The following ZNF577 variants were observed in gnomAD, a reference collection of about 807,000 sequenced individuals.
ZNF577 encodes the protein zinc finger protein 577.
Under a neutral mutation model 13.9 loss-of-function variants are expected in ZNF577, and 14 were observed. The ratio of observed to expected loss-of-function variants is 1.00; its 90% CI spans 0.66 to 1.57. The LOEUF is 1.57. Among genes scored for constraint, ZNF577 ranks in the 40% most tolerant of loss-of-function variants. The pLI is 0.00. For synonymous variants in ZNF577, 203 were observed against 202.9 expected (o/e 1.00, Z 0.00); for missense variants, 555 against 579.2 (o/e 0.96, Z 0.43).
At chr19:51,840,660 A>G (rs1380082771) in intron 8 of ZNF577, 1 of 152,212 alleles carries the variant, frequency 6.6e-6, no homozygotes, top group Admixed American at 6.5e-5. Flanking sequence ...GTCATGTGAA[A>G]TAGATGTAAA....
chr19:51,839,978 T>G (rs1446666500), exon 9 of ZNF577: 3 of 152,228 alleles, frequency 2.0e-5, no homozygotes, highest in African/African-American at 7.2e-5. Flanking sequence ...CACGCTCTTG[T>G]GCAGACTCAG....
chr19:51,879,012 C>G (rs1007872561), intron 3 of ZNF577, among the ~76,000 whole-genome samples: 1 of 151,938 alleles, frequency 6.6e-6, no homozygotes, highest in Non-Finnish European at 1.5e-5. Flanking sequence ...AATCTCAGTA[C>G]TTTGGGAGGC....
intron 9 of ZNF577, among the ~76,000 whole-genome samples, chr19:51,815,265 C>G (rs1260605001): frequency 6.6e-6 from 1 of 151,854 alleles, no homozygotes; most frequent in Non-Finnish European, 1.5e-5. Flanking sequence ...AGATTGAGCT[C>G]TATAAAAAAA....
intron 9 of ZNF577, among the ~76,000 whole-genome samples, chr19:51,831,096 T>C (rs755489124): frequency 9.2e-5 from 14 of 152,124 alleles, no homozygotes; most frequent in Non-Finnish European, 1.6e-4. Flanking sequence ...CAAATATAAG[T>C]AATTATTGAT....
chr19:51,875,883 A>T (rs745783934), intron 5 of ZNF577, among the ~76,000 whole-genome samples: 5 of 152,260 alleles, frequency 3.3e-5, no homozygotes, highest in Non-Finnish European at 5.9e-5. Context: ...CTTCAAGAGT[A>T]GAGTGTTCAA....
intron 1 of ZNF577, among the ~76,000 whole-genome samples, chr19:51,882,344 G>C (rs59911578): frequency 0.11 from 16,850 of 151,948 alleles, 1,001 homozygotes; most frequent in East Asian, 0.22. Context: ...ATACCACCCT[G>C]ACTGGTAAGG....
rs1026962033 is a variant in ZNF577 at position 51,867,830 on chromosome 19, G to C, written c.*4702C>G. 3.9e-5 allele frequency among the ~76,000 whole-genome samples: 6 copies of C among 151,992 alleles called. No individual in the cohort carries two copies. Among genetic ancestry groups the C allele is most frequent in the African/African-American group, 1.5e-4 (6 of 41,376 alleles). On this transcript the variant is annotated 3_prime_UTR_variant, in exon 6 of 6. Coordinates refer to ENST00000638348, the MANE Select transcript of ZNF577 (RefSeq NM_001370449.1). ...CAAGCAAACAAACAAAAAGAACAAAGCTAGGGTTGGAAAAAGCCCTCAGAG... is the reference window on the plus strand; with the variant it reads ...CAAGCAAACAAACAAAAAGAACAAACCTAGGGTTGGAAAAAGCCCTCAGAG...
At chr19:51,831,196 A>T (rs1364872150) in intron 9 of ZNF577, among the ~76,000 whole-genome samples, 1 of 152,026 alleles carries the variant, frequency 6.6e-6, no homozygotes, top group African/African-American at 2.4e-5. Flanking sequence ...ACTCACCGCA[A>T]CCTCTGCCTC....
chr19:51,854,890 C>T (rs1455773388), intron 5 of ZNF577, among the ~76,000 whole-genome samples: 2 of 152,080 alleles, frequency 1.3e-5, no homozygotes, highest in Non-Finnish European at 2.9e-5. Context: ...ATTGACCTAG[C>T]TTCATATTTG....
In ZNF577 at chr19:51,854,966, G is replaced by A. The variant is rs532134351; in HGVS notation, c.284-10035C>T. ...CTGTTCTCTTTGTTGCTACTTCATA[G>A]TTCTTTATACATGGTTTACTTCAGT... On this transcript the variant is annotated intron_variant and NMD_transcript_variant, in intron 5 of 10. Coordinates refer to the ZNF577 transcript ENST00000638827. Among the ~76,000 whole-genome samples the A allele has an allele frequency of 5.9e-5, 9 of 152,162 alleles. No individual in the cohort carries two copies. The South Asian group carries it at 1.9e-3, about 32-fold the overall frequency.
At chr19:51,816,318 G>A (rs2084136731) in intron 9 of ZNF577, among the ~76,000 whole-genome samples, 1 of 152,138 alleles carries the variant, frequency 6.6e-6, no homozygotes, top group Non-Finnish European at 1.5e-5. Flanking sequence ...CATGATCTCG[G>A]CTGACTACAA....
At chr19:51,874,486 A>AT (rs2084723388) in intron 5 of ZNF577, among the ~76,000 whole-genome samples, 1 of 138,482 alleles carries the variant, frequency 7.2e-6, no homozygotes, top group Non-Finnish European at 1.5e-5. Flanking sequence ...CTTAGGTGTG[A>AT]TAAAAAAAAA....
At chr19:51,810,958 C>G (rs746817889) in intron 10 of ZNF577, among the ~76,000 whole-genome samples, 2 of 152,160 alleles carry the variant, frequency 1.3e-5, no homozygotes, top group Non-Finnish European at 2.9e-5. Context: ...TCTAGTTCTG[C>G]TACCAAAGGA....
rs955358113 is a variant in ZNF577 at position 51,819,478 on chromosome 19, C to T, written c.*600-7804G>A. ...AACCAAGAGTGGATTGTGTGTACAT[C>T]TTATCATCTTATGATATGGAAAAAA... On this transcript the variant is annotated intron_variant and NMD_transcript_variant, in intron 9 of 10. Coordinates refer to the ZNF577 transcript ENST00000638827. 2.0e-5 allele frequency among the ~76,000 whole-genome samples: 3 copies of T among 147,578 alleles called. No individual in the cohort carries two copies. In the East Asian group the frequency reaches 6.0e-4, roughly 30 times the overall value.
chr19:51,812,889 G>A (rs1037731024), intron 9 of ZNF577, among the ~76,000 whole-genome samples: 15 of 152,120 alleles, frequency 9.9e-5, no homozygotes, highest in African/African-American at 3.6e-4. Flanking sequence ...GAGAGTCTGA[G>A]GTGGGTGAAT....
chr19:51,831,536 G>A (rs573952986), intron 9 of ZNF577, among the ~76,000 whole-genome samples: 7 of 152,128 alleles, frequency 4.6e-5, no homozygotes, highest in East Asian at 1.9e-4. Flanking sequence ...ATCATCATCC[G>A]GACCACTACA....
intron 9 of ZNF577, among the ~76,000 whole-genome samples, chr19:51,830,116 A>G (rs2084254463): frequency 7.2e-6 from 1 of 139,708 alleles, no homozygotes; most frequent in Non-Finnish European, 1.5e-5. Flanking sequence ...TGACTGACAT[A>G]GCATATGCTT....
Position 51,872,335 on chromosome 19 carries a change from C to T in ZNF577, c.*197G>A. The T allele has an allele frequency of 2.0e-6, 1 of 499,198 alleles. No homozygotes were observed. The highest frequency in any genetic ancestry group is 3.5e-6 in the Non-Finnish European group (1 of 284,482). 30.9% of individuals were successfully genotyped at this position (499,198 alleles called of 1,614,324 possible). On this transcript the variant is annotated 3_prime_UTR_variant, in exon 6 of 6. Transcript: ENST00000638348. ...TTTGATACCAATTGAGATATCATCT[C>T]CAGGTAAAGACTTCCTCATAACAGC...
intron 3 of ZNF577, among the ~76,000 whole-genome samples, chr19:51,879,133 T>G (rs542332616): frequency 1.3e-5 from 2 of 152,080 alleles, no homozygotes; most frequent in South Asian, 4.1e-4. Flanking sequence ...GGTGGGCACC[T>G]GTAGTCCCAG....
Sources: allele counts gnomAD v4.1 joint callset (sites outside exome capture counted in the v4.1 genomes callset), GRCh38; gene constraint gnomAD v4.1.1; transcripts MANE v1.5; gene names NCBI Gene and HGNC (gene_info 2026-07-23, HGNC 2026-07-21).